Variants in CLIC5 observed in about 807,000 individuals in gnomAD.
The protein encoded by CLIC5 is CLIC family member 5, also known as chloride intracellular channel protein 5.
Under a neutral mutation model 24.7 loss-of-function variants are expected in CLIC5, and 20 were observed. That is an observed-to-expected ratio of 0.81 (90% CI 0.57 to 1.18). The LOEUF (loss-of-function observed/expected upper bound fraction) is 1.18. CLIC5 is among the 50% of genes most tolerant of loss of function. CLIC5 has a pLI of 0.00. For missense variants in CLIC5, 341 were observed against 326.1 expected, an observed-to-expected ratio of 1.05 and a Z score of -0.35; for synonymous variants, 159 against 135.6, an observed-to-expected ratio of 1.17 and a Z score of -1.20.
chr6:45,970,195 C>T (rs1351981094), intron 1 of CLIC5, among the ~76,000 whole-genome samples: 14 of 152,160 alleles, frequency 9.2e-5, no homozygotes, highest in Admixed American at 8.5e-4. Context: ...GTGGGCCCAC[C>T]CAACTAATTT....
In CLIC5 at chr6:45,903,212, A is replaced by G; in HGVS notation, c.632T>C (p.Met211Thr). The change falls in exon 6 of 6, where the codon ATG (methionine) becomes ACG (threonine). Residue 211 changes from methionine to threonine, a missense_variant. Transcript: ENST00000339561. ...KYRNYDIPAE[M>T]TGLWRYLKNA... The stretch of plus-strand genomic sequence containing the variant: ...CTTGAGGTACCGCCACAGGCCTGTC[A>G]TCTCAGCCGGGATATCATAGTTGCG... The G allele has an allele frequency of 6.2e-7, 1 of 1,611,576 alleles. No individual in the cohort carries two copies. The highest frequency in any genetic ancestry group is 2.2e-5 in the East Asian group (1 of 44,826).
At position 46,079,900 on chromosome 6, in the gene CLIC5, G is replaced by A. The variant is rs1762878523; in HGVS notation, c.343C>T (p.Gln115Ter). 22 of 1,551,856 alleles carry A rather than the reference G, an allele frequency of 1.4e-5. No homozygotes were observed. Among genetic ancestry groups the A allele is most frequent in the Non-Finnish European group, 1.8e-5 (21 of 1,147,036 alleles). ...TCTGCTGCGCAGAGTTGCTGGTCCT[G>A]GGTTGATGAATATAACCCTTCCATT... is the stretch of plus-strand genomic sequence containing the variant. Residue 115 changes from glutamine to a stop codon, truncating the protein, a stop_gained, in exon 1 of 6, where the codon CAG (glutamine) becomes TAG (stop). Transcript: ENST00000185206. LOFTEE classifies it high-confidence loss of function.
rs142603820 is a variant in CLIC5 at position 45,893,212 on chromosome 6, A to C, written c.624-12024T>G. Among the ~76,000 whole-genome samples the C allele has an allele frequency of 5.0e-3, 751 of 149,690 alleles. 9 individuals are homozygous for C. Among genetic ancestry groups the C allele is most frequent in the African/African-American group, 0.017 (702 of 40,718 alleles). ...GGCAACTTGATAAATTAAGGGCCAA[A>C]TATTTAGTGCCACCCTGGTTTTTTT... is the stretch of plus-strand genomic sequence containing the variant. On this transcript the variant is annotated intron_variant, in intron 6 of 6. Transcript: ENST00000644324.
the CLIC5 span, among the ~76,000 whole-genome samples, chr6:46,126,795 T>C: frequency 1.3e-5 from 2 of 152,214 alleles, no homozygotes; most frequent in African/African-American, 4.8e-5. Flanking sequence ...ATTGTTTTTC[T>C]TTGGGAAGCG....
chr6:46,095,130 G>A, the CLIC5 span, among the ~76,000 whole-genome samples: 1 of 151,802 alleles, frequency 6.6e-6, no homozygotes, highest in Non-Finnish European at 1.5e-5. Context: ...AGTATCCCAA[G>A]GCTGCACAGG....
chr6:45,999,187 C>T (rs923029179), intron 1 of CLIC5, among the ~76,000 whole-genome samples: 1 of 152,118 alleles, frequency 6.6e-6, no homozygotes, highest in Non-Finnish European at 1.5e-5. Context: ...TTTATCCAAC[C>T]CTTTTATTTT....
At chr6:45,997,598 C>A (rs999560176) in intron 1 of CLIC5, among the ~76,000 whole-genome samples, 13 of 151,556 alleles carry the variant, frequency 8.6e-5, no homozygotes, top group Non-Finnish European at 1.9e-4. Context: ...CACTGGGTAG[C>A]AATGAAGTAG....
chr6:45,999,388 T>C (rs1766266282), intron 1 of CLIC5, among the ~76,000 whole-genome samples: 1 of 152,212 alleles, frequency 6.6e-6, no homozygotes, highest in Non-Finnish European at 1.5e-5. Context: ...TGCCAAATAC[T>C]ATGTGGATGT....
chr6:46,128,275 T>A, the CLIC5 span, among the ~76,000 whole-genome samples: 281 of 152,008 alleles, frequency 1.8e-3, 7 homozygotes, highest in East Asian at 0.047. Context: ...ATAAAGAGAG[T>A]CCTCTCCTGA....
chr6:45,985,664 G>A (rs1347461912), intron 1 of CLIC5, among the ~76,000 whole-genome samples: 2 of 152,014 alleles, frequency 1.3e-5, no homozygotes, highest in South Asian at 2.1e-4. Context: ...TAATGCACGC[G>A]AAGTTGGGTA....
the CLIC5 span, among the ~76,000 whole-genome samples, chr6:46,125,143 C>G: frequency 2.1e-4 from 32 of 152,132 alleles, no homozygotes. Flanking sequence ...TTTATTGCAG[C>G]ACTACTCACA....
At chr6:45,895,669 G>C (rs80156749), downstream of CLIC5, among the ~76,000 whole-genome samples, 3,395 of 152,284 alleles carry the variant, frequency 0.022, 125 homozygotes, top group African/African-American at 0.077. Flanking sequence ...CTGCGTCCTA[G>C]ACAAGGTGAG....
chr6:45,883,967 A>C (rs1179600906), intron 6 of CLIC5: 1 of 152,262 alleles, frequency 6.6e-6, no homozygotes, highest in Admixed American at 6.5e-5. Context: ...ACTGAGGCTG[A>C]CGAGTCAGGT....
At chr6:46,030,885 C>T (rs1279821158) in intron 1 of CLIC5, among the ~76,000 whole-genome samples, 8 of 152,210 alleles carry the variant, frequency 5.3e-5, no homozygotes, top group Non-Finnish European at 7.3e-5. Flanking sequence ...GAACTAAGAT[C>T]TTCAAGTACA....
chr6:45,972,672 C>T (rs1264636994), intron 1 of CLIC5, among the ~76,000 whole-genome samples: 1 of 152,136 alleles, frequency 6.6e-6, no homozygotes, highest in Non-Finnish European at 1.5e-5. Context: ...TGAATCAGAA[C>T]CTGCATTTTC....
intron 1 of CLIC5, among the ~76,000 whole-genome samples, chr6:46,046,030 G>A (rs577840787): frequency 5.8e-4 from 89 of 152,310 alleles, no homozygotes; most frequent in Non-Finnish European, 9.7e-4. Flanking sequence ...GGGGAGCTGG[G>A]GCTGAGGAGA....
intron 5 of CLIC5, among the ~76,000 whole-genome samples, chr6:45,904,084 A>G (rs997928750): frequency 2.0e-5 from 3 of 152,210 alleles, no homozygotes; most frequent in African/African-American, 7.2e-5. Context: ...GATTAAAAGC[A>G]TGGGCTCTGG....
chr6:46,056,573 G>A (rs1269900641), intron 1 of CLIC5, among the ~76,000 whole-genome samples: 1 of 152,134 alleles, frequency 6.6e-6, no homozygotes, highest in Non-Finnish European at 1.5e-5. Context: ...GTTCAGTGAT[G>A]CCATATTGGT....
At chr6:45,885,699 C>A (rs533781550) in intron 6 of CLIC5, among the ~76,000 whole-genome samples, 1 of 152,170 alleles carries the variant, frequency 6.6e-6, no homozygotes, top group African/African-American at 2.4e-5. Flanking sequence ...GAAACAAAGT[C>A]GTAGAGACCT....
Sources: gnomAD v4.1 joint callset for allele counts (sites outside exome capture counted in the v4.1 genomes callset) on GRCh38, gnomAD v4.1.1 for gene constraint, MANE v1.5 for transcripts, NCBI Gene and HGNC (gene_info 2026-07-23, HGNC 2026-07-21) for gene names.